PCDH19: variants seen among roughly 807,000 people sequenced by gnomAD.
PCDH19 encodes the protein protocadherin-19.
A neutral mutation model predicts 46.2 loss-of-function variants in PCDH19; 6 were observed. The observed-to-expected ratio is 0.13, with a 90% CI of 0.07 to 0.26. The LOEUF (loss-of-function observed/expected upper bound fraction) is 0.26, where lower values mean the gene tolerates loss of function less well. Ranked by LOEUF, PCDH19 falls within the 10% of genes least tolerant of loss-of-function variation. The probability of loss-of-function intolerance (pLI) is 1.00; values close to 1 mark genes in which losing one functional copy is unlikely to be tolerated. For synonymous variants in PCDH19, 481 were observed against 415.7 expected, an observed-to-expected ratio of 1.16 and a Z score of -1.91; for missense variants, 740 against 972.3, an observed-to-expected ratio of 0.76 and a Z score of 3.18.
rs903221490 is a variant in PCDH19, at chrX:100,402,511, T to A, written c.2616+13A>T. ...CCTGGGAGAACCTCACAGAGCCACTTAGCTGCACTCACCTCAGGCAGAGGC... is the reference window on the plus strand; with the variant it reads ...CCTGGGAGAACCTCACAGAGCCACTAAGCTGCACTCACCTCAGGCAGAGGC... On this transcript the variant is annotated intron_variant, in intron 3 of 5. Transcript: ENST00000373034. The A allele has an allele frequency of 1.7e-6, 2 of 1,200,836 alleles. No homozygotes were observed. The highest frequency in any genetic ancestry group is 3.5e-5 in the African/African-American group (2 of 57,118).
chrX:100,384,969 G>T (rs1161653902), intron 3 of PCDH19, among the ~76,000 whole-genome samples: 1 of 110,446 alleles, frequency 9.1e-6, no homozygotes, highest in African/African-American at 3.3e-5. Context: ...GACCAGCCTG[G>T]CCAACAGGGT....
At chrX:100,320,714 A>C (rs1203524685) in intron 5 of PCDH19, among the ~76,000 whole-genome samples, 1 of 111,535 alleles carries the variant, frequency 9.0e-6, no homozygotes, top group Non-Finnish European at 1.9e-5. Context: ...TGGAAATGAC[A>C]AGAAAAAAAG....
chrX:100,348,326 A>G (rs1926473695), intron 4 of PCDH19, among the ~76,000 whole-genome samples: 1 of 111,561 alleles, frequency 9.0e-6, no homozygotes, highest in African/African-American at 3.3e-5. Flanking sequence ...ACCTGGTGTT[A>G]GCCACCACTC....
At chrX:100,301,023 G>C (rs1179156982) in intron 5 of PCDH19, among the ~76,000 whole-genome samples, 1 of 110,463 alleles carries the variant, frequency 9.1e-6, no homozygotes, top group Non-Finnish European at 1.9e-5. Flanking sequence ...AATTCAAACA[G>C]AAAAAGACCA....
At chrX:100,347,691 G>C (rs1250407595) in intron 4 of PCDH19, among the ~76,000 whole-genome samples, 3 of 111,383 alleles carry the variant, frequency 2.7e-5, no homozygotes, top group African/African-American at 9.8e-5. Context: ...ACAACTGCTA[G>C]AGAATGCCGA....
At chrX:100,323,745 T>C (rs1170182488) in intron 5 of PCDH19, among the ~76,000 whole-genome samples, 2 of 111,259 alleles carry the variant, frequency 1.8e-5, no homozygotes, top group African/African-American at 6.6e-5. Context: ...AAGGGAAGAC[T>C]GAACCACTAA....
Position 100,375,242 on chromosome X carries a change from A to ACC in PCDH19, c.2617-24540_2617-24539dup, listed in dbSNP as rs746485698. 9.8e-4 allele frequency among the ~76,000 whole-genome samples: 109 copies of ACC among 110,829 alleles called. 1 individual carries two copies. Among genetic ancestry groups the ACC allele is most frequent in the Non-Finnish European group, 1.2e-3 (65 of 52,856 alleles). ...TTAACTCGTCATTTACATTAGATAT[A>ACC]CCCCCTCCCTCCACCCCAAGACAGG... On this transcript the variant is annotated intron_variant, in intron 3 of 5. Coordinates refer to ENST00000373034, the MANE Select transcript of PCDH19 (RefSeq NM_001184880.2).
chrX:100,398,887 C>T (rs1602630028), intron 3 of PCDH19, among the ~76,000 whole-genome samples: 1 of 111,860 alleles, frequency 8.9e-6, no homozygotes, highest in African/African-American at 3.2e-5. Context: ...ACACAGGTAA[C>T]CCAACAGAGG....
At chrX:100,385,758 G>A (rs1214588479) in intron 3 of PCDH19, among the ~76,000 whole-genome samples, 1 of 111,086 alleles carries the variant, frequency 9.0e-6, no homozygotes, top group Non-Finnish European at 1.9e-5. Flanking sequence ...GCCAGGTATG[G>A]TAGCAGGCAC....
intron 5 of PCDH19, among the ~76,000 whole-genome samples, chrX:100,330,239 T>C (rs1419010527): frequency 2.7e-5 from 3 of 112,442 alleles, no homozygotes; most frequent in African/African-American, 6.5e-5. Flanking sequence ...TCTCGAAACA[T>C]ACATCATTCC....
intron 3 of PCDH19, among the ~76,000 whole-genome samples, chrX:100,374,741 C>T (rs1927322473): frequency 9.0e-6 from 1 of 111,088 alleles, no homozygotes; most frequent in South Asian, 3.8e-4. Flanking sequence ...AGATCGAGAC[C>T]ATCCTGGCTA....
chrX:100,387,593 A>G (rs1022340882), intron 3 of PCDH19, among the ~76,000 whole-genome samples: 2 of 111,945 alleles, frequency 1.8e-5, no homozygotes, highest in African/African-American at 3.2e-5. Context: ...TATCATTTCT[A>G]TAGTATTAAA....
chrX:100,391,317 C>T (rs1036729467), intron 3 of PCDH19, among the ~76,000 whole-genome samples: 1 of 111,482 alleles, frequency 9.0e-6, no homozygotes, highest in African/African-American at 3.3e-5. Flanking sequence ...AGAACAAGTA[C>T]AAACCAAATG....
chrX:100,385,945 T>C (rs984522784), intron 3 of PCDH19, among the ~76,000 whole-genome samples: 34 of 111,440 alleles, frequency 3.1e-4, no homozygotes, highest in African/African-American at 1.1e-3. Context: ...AAAAGAGAAA[T>C]AGAATGATCT....
At chrX:100,388,728 C>CAAG (rs1246211726) in intron 3 of PCDH19, among the ~76,000 whole-genome samples, 1 of 110,323 alleles carries the variant, frequency 9.1e-6, no homozygotes, top group Non-Finnish European at 1.9e-5. Context: ...CTCTTGCCAT[C>CAAG]ACTGTTTTTT....
At chrX:100,356,758 T>TTCTCTCTC (rs60053212) in intron 3 of PCDH19, among the ~76,000 whole-genome samples, 6,893 of 102,917 alleles carry the variant, frequency 0.067, 333 homozygotes, top group East Asian at 0.26. Flanking sequence ...CCCTAATTCA[T>TTCTCTCTC]TCTCTCTCTC....
chrX:100,375,955 G>A (rs7052018), intron 3 of PCDH19, among the ~76,000 whole-genome samples: 29,941 of 110,602 alleles, frequency 0.27, 3,268 homozygotes, highest in Middle Eastern at 0.52. Flanking sequence ...TACAGATATC[G>A]GCCAGGTGCA....
intron 5 of PCDH19, among the ~76,000 whole-genome samples, chrX:100,304,211 G>A (rs1271226499): frequency 4.5e-5 from 5 of 111,375 alleles, no homozygotes; most frequent in African/African-American, 9.8e-5. Context: ...CGATATCCAC[G>A]GCTGAAAGAC....
chrX:100,375,348 T>C (rs1049616461), intron 3 of PCDH19, among the ~76,000 whole-genome samples: 1 of 111,855 alleles, frequency 8.9e-6, no homozygotes. Flanking sequence ...ATGTGGTGTT[T>C]GGTTTTGTGT....
Sources: gnomAD v4.1 joint callset for allele counts (sites outside exome capture counted in the v4.1 genomes callset) on GRCh38, gnomAD v4.1.1 for gene constraint, MANE v1.5 for transcripts, NCBI Gene and HGNC (gene_info 2026-07-23, HGNC 2026-07-21) for gene names.